Variants in PWWP3A observed in about 807,000 individuals in gnomAD.
PWWP3A encodes the protein PWWP domain containing 3A, DNA repair factor, also known as PWWP domain-containing DNA repair factor 3A.
Under a neutral mutation model 79.0 loss-of-function variants are expected in PWWP3A, and 53 were observed. That is an observed-to-expected ratio of 0.67 (90% confidence interval 0.54 to 0.84). The LOEUF (loss-of-function observed/expected upper bound fraction) is 0.84. PWWP3A is among the 40% of genes least tolerant of loss of function. PWWP3A has a pLI of 0.00. For missense variants in PWWP3A, 973 were observed against 948.0 expected (o/e 1.03, Z -0.35); for synonymous variants, 443 against 394.4 (o/e 1.12, Z -1.46).
In PWWP3A at chr19:1,369,808, G is replaced by A. The variant is rs1227381863; in HGVS notation, c.1549+162G>A. Among the ~76,000 whole-genome samples the A allele has an allele frequency of 6.6e-6, 1 of 152,188 alleles. No individual in the cohort carries two copies. Among genetic ancestry groups the A allele is most frequent in the African/African-American group, 2.4e-5 (1 of 41,432 alleles). ...CTATGAGGTTTTGATGTGACCCTGA[G>A]GCTCCCTGGGACCTGGGGCTGCTGG... On this transcript the variant is annotated intron_variant, in intron 11 of 13. Transcript: ENST00000591337. The surrounding 1 kb of genome is among the most constrained non-coding windows in gnomAD (Gnocchi z 4.0).
At position 1,360,742 on chromosome 19, in the gene PWWP3A, G is replaced by A. The variant is rs748421039; in HGVS notation, c.821G>A (p.Gly274Asp). The stretch of plus-strand genomic sequence containing the variant: ...GCCAACGCTGAGGGACACGACCCCG[G>A]TCTGCCGTTGGGCAGCCTCACTGCG... ...PCANAEGHDP[G>D]LPLGSLTAPP... The change falls in exon 5 of 14, where the codon GGT becomes GAT. Residue 274 changes from glycine (G) to aspartate (D), a missense_variant. Coordinates refer to ENST00000591337, the MANE Select transcript of PWWP3A (RefSeq NM_001369789.1). This position sits in a 1 kb window ranked among gnomAD's most constrained non-coding sequence, Gnocchi z 4.4. 5 of 1,612,614 alleles carry A rather than the reference G, an allele frequency of 3.1e-6. No individual in the cohort carries two copies. Among genetic ancestry groups the A allele is most frequent in the Non-Finnish European group, 4.2e-6 (5 of 1,179,678 alleles).
At chr19:1,355,463 CA>C (rs1371841980) in intron 1 of PWWP3A, among the ~76,000 whole-genome samples, 4 of 107,524 alleles carry the variant, frequency 3.7e-5, no homozygotes, top group African/African-American at 1.3e-4. Context: ...CCTGGACCCC[CA>C]TCTGCTTCCC....
At chr19:1,376,302 T>TG (rs1239057366) in intron 13 of PWWP3A, among the ~76,000 whole-genome samples, 1,387 of 96,114 alleles carry the variant, frequency 0.014, 70 homozygotes, top group African/African-American at 0.071. Context: ...TTTGTTTTTT[T>TG]TTTTGTTTGT....
intron 5 of PWWP3A, 93 bp from the exon 6 acceptor site, chr19:1,362,157 G>T: frequency 1.0e-6 from 1 of 983,982 alleles, no homozygotes; most frequent in Non-Finnish European, 1.5e-6. Context: ...TTTTCTTTAT[G>T]CATCGATGGT....
chr19:1,363,683 C>A (rs1478023975), intron 6 of PWWP3A, among the ~76,000 whole-genome samples: 2 of 152,218 alleles, frequency 1.3e-5, no homozygotes, highest in Non-Finnish European at 2.9e-5. Flanking sequence ...TGACCGGCCT[C>A]TGAATTGATT....
rs1391393945 is a variant in PWWP3A, at chr19:1,360,625, C to A, written c.704C>A (p.Ser235Ter). 1.2e-6 allele frequency: 2 copies of A among 1,613,760 alleles called. No homozygotes were observed. Among genetic ancestry groups the A allele is most frequent in the Non-Finnish European group, 1.7e-6 (2 of 1,179,852 alleles). ...ASLCLNGSSL[S>*]EDDTERDMGS... is the part of the protein sequence containing the mutation. ...TTGTGCCTGAATGGATCTTCCCTTT[C>A]AGAGGACGACACGGAGAGAGACATG... is the stretch of plus-strand genomic sequence containing the variant. The change falls in exon 5 of 14, where the codon TCA becomes TAA. Residue 235 changes from serine to a stop codon, truncating the protein, a stop_gained. Transcript: ENST00000591337. LOFTEE classifies it high-confidence loss of function. This position sits in a 1 kb window ranked among gnomAD's most constrained non-coding sequence, Gnocchi z 4.4.
intron 12 of PWWP3A, chr19:1,371,435 G>C (rs971368415): frequency 2.9e-6 from 2 of 701,750 alleles, no homozygotes; most frequent in African/African-American, 3.5e-5. Flanking sequence ...TCCCAAGTCA[G>C]AATCGCATTT....
At chr19:1,371,209 G>C (rs777778123) in intron 12 of PWWP3A, 131 bp downstream of exon 12, 2 of 1,025,788 alleles carry the variant, frequency 1.9e-6, no homozygotes, top group Admixed American at 4.0e-5. Flanking sequence ...GAGCGTGGAG[G>C]CCTCCTGTGT....
Position 1,376,828 on chromosome 19 carries a change from G to C in PWWP3A, c.*252G>C, listed in dbSNP as rs1319114297. 4.7e-6 allele frequency: 2 copies of C among 429,014 alleles called. No individual in the cohort carries two copies. The highest frequency in any genetic ancestry group is 8.4e-6 in the Non-Finnish European group (2 of 239,052). The allele number at this position is 429,014 out of a possible 1,614,324, so 26.6% of individuals were successfully genotyped here. A position where few individuals can be genotyped will look rare whatever the true frequency, so the allele number is the denominator to read the frequency against. On this transcript the variant is annotated 3_prime_UTR_variant, in exon 14 of 14. Coordinates refer to ENST00000591337, the MANE Select transcript of PWWP3A (RefSeq NM_001369789.1). ...TTTTTACAAGATACCGTTCGGGAAA[G>C]GCTTTTGAAAGGACGGAAGCGTATT...
chr19:1,364,482 T>C (rs12979259), intron 6 of PWWP3A, 27 bp from the exon 7 acceptor site: 4 of 1,553,676 alleles, frequency 2.6e-6, no homozygotes. Context: ...TCTTTTTTTT[T>C]TGTTTTTCTT....
intron 7 of PWWP3A, among the ~76,000 whole-genome samples, chr19:1,365,128 A>G (rs1436617434): frequency 6.6e-6 from 1 of 152,234 alleles, no homozygotes; most frequent in African/African-American, 2.4e-5. Flanking sequence ...TCCGGGGGAA[A>G]GAAAAAGGAA....
intron 11 of PWWP3A, 33 bp from the exon 12 acceptor site, chr19:1,370,609 G>T (rs369174291): frequency 1.4e-6 from 2 of 1,439,334 alleles, no homozygotes; most frequent in African/African-American, 1.4e-5. Flanking sequence ...GGCAGCCCAC[G>T]CGCTGGTCCC....
intron 8 of PWWP3A, among the ~76,000 whole-genome samples, chr19:1,366,704 G>T (rs1260919597): frequency 6.6e-6 from 1 of 152,246 alleles, no homozygotes; most frequent in Admixed American, 6.5e-5. Context: ...AAATGTCCAC[G>T]CAGGTGTGCA....
In PWWP3A at chr19:1,358,375, G is replaced by A. The variant is rs373821362; in HGVS notation, c.144-19G>A. The A allele has an allele frequency of 6.8e-6, 11 of 1,610,762 alleles. No individual in the cohort carries two copies. The highest frequency in any genetic ancestry group is 1.3e-5 in the African/African-American group (1 of 74,812). On this transcript the variant is annotated intron_variant, in intron 3 of 13. Coordinates refer to ENST00000591337, the MANE Select transcript of PWWP3A (RefSeq NM_001369789.1). ...GCGGCGTTGGCTGGTGGTGTGTAACGTCGATTTTGTCTCTGCAGAATTAAG... is the reference window on the plus strand; with the variant it reads ...GCGGCGTTGGCTGGTGGTGTGTAACATCGATTTTGTCTCTGCAGAATTAAG...
chr19:1,358,439 A>C lies in PWWP3A; in HGVS notation c.189A>C (p.Gln63His). ...STEVEILEKS[Q>H]IEAIASSLAS... is the part of the protein sequence containing the mutation. Reference sequence around the variant, plus strand: ...AAGTTGAGATCCTAGAGAAGTCTCAAATTGAAGCCATTGCTTCCTCGTTAG... The same window carrying C: ...AAGTTGAGATCCTAGAGAAGTCTCACATTGAAGCCATTGCTTCCTCGTTAG... The change falls in exon 4 of 14, where the codon CAA becomes CAC. Residue 63 changes from glutamine to histidine, a missense_variant. By Grantham distance (24) the Gln-to-His change is conservative. Transcript: ENST00000591337. 1 of 1,614,156 alleles carries C rather than the reference A, an allele frequency of 6.2e-7. No homozygotes were observed. The highest frequency in any genetic ancestry group is 8.5e-7 in the Non-Finnish European group (1 of 1,180,024).
chr19:1,356,496 G>A, intron 2 of PWWP3A, 47 bp downstream of exon 2: 1 of 1,583,834 alleles, frequency 6.3e-7, no homozygotes, highest in East Asian at 2.2e-5. Flanking sequence ...ATGACTTTCG[G>A]GTGACAAGTA....
At chr19:1,366,271 T>G in intron 7 of PWWP3A, 34 bp from the exon 8 acceptor site, 1 of 1,603,132 alleles carries the variant, frequency 6.2e-7, no homozygotes, top group Non-Finnish European at 8.5e-7. Flanking sequence ...ATCTCTTTTG[T>G]TTTGACGTTT....
intron 8 of PWWP3A, among the ~76,000 whole-genome samples, 163 bp downstream of exon 8, chr19:1,366,544 T>G (rs2082133517): frequency 1.3e-5 from 2 of 152,210 alleles, no homozygotes; most frequent in Non-Finnish European, 2.9e-5. Context: ...GCCCTTCTTG[T>G]GGCCTCTCAC....
intron 8 of PWWP3A, 56 bp downstream of exon 8, chr19:1,366,437 C>A: frequency 6.6e-7 from 1 of 1,523,544 alleles, no homozygotes; most frequent in Non-Finnish European, 9.1e-7. Context: ...GCCGGCCGCT[C>A]TCAGAGTCAG....
Sources: gnomAD v4.1 joint callset for allele counts (sites outside exome capture counted in the v4.1 genomes callset) on GRCh38, gnomAD v4.1.1 for gene constraint, Gnocchi (gnomAD v3.1) non-coding constraint, MANE v1.5 for transcripts, NCBI Gene and HGNC (gene_info 2026-07-23, HGNC 2026-07-21) for gene names.